ATP10A: variants seen among roughly 807,000 people sequenced by gnomAD.
ATP10A encodes phospholipid-transporting ATPase VA.
In ATP10A, 111 loss-of-function variants were observed where a neutral mutation model predicts 147.8. The ratio of observed to expected loss-of-function variants is 0.75; its 90% CI spans 0.64 to 0.88. The LOEUF (loss-of-function observed/expected upper bound fraction) is 0.88. ATP10A is among the 40% of genes least tolerant of loss of function. The pLI is 0.00. For synonymous variants in ATP10A, 875 were observed against 841.6 expected, an observed-to-expected ratio of 1.04 and a Z score of -0.69; for missense variants, 1,927 against 1,959.0, an observed-to-expected ratio of 0.98 and a Z score of 0.31.
intron 1 of ATP10A, among the ~76,000 whole-genome samples, chr15:25,819,947 G>A (rs1891810709): frequency 6.6e-6 from 1 of 151,988 alleles, no homozygotes. Context: ...AAGGAGGTGA[G>A]GGATGAGAAG....
downstream of ATP10A, among the ~76,000 whole-genome samples, chr15:25,673,262 C>G (rs1216341363): frequency 6.6e-6 from 1 of 152,190 alleles, no homozygotes; most frequent in Non-Finnish European, 1.5e-5. Context: ...ATGCGCTGGG[C>G]AGGGGCGGAG....
chr15:25,815,420 C>T (rs1181876174), intron 1 of ATP10A, among the ~76,000 whole-genome samples: 2 of 53,086 alleles, frequency 3.8e-5, no homozygotes, highest in African/African-American at 1.3e-4. Context: ...AGCTCCCTAT[C>T]TGCCTCAAGA....
chr15:25,852,797 C>T (rs28733026), intron 1 of ATP10A, among the ~76,000 whole-genome samples: 5,938 of 152,232 alleles, frequency 0.039, 366 homozygotes, highest in African/African-American at 0.14. Flanking sequence ...CCTGTACAAT[C>T]ATCCCCACTT....
intron 1 of ATP10A, among the ~76,000 whole-genome samples, chr15:25,835,743 C>G (rs940049702): frequency 5.9e-5 from 9 of 152,228 alleles, no homozygotes; most frequent in African/African-American, 2.2e-4. Flanking sequence ...GCGGTCCTCC[C>G]ACCTCAGCCT....
chr15:25,702,949 G>C (rs868176756), intron 12 of ATP10A, among the ~76,000 whole-genome samples: 5 of 152,054 alleles, frequency 3.3e-5, no homozygotes, highest in Admixed American at 1.3e-4. Context: ...ATCCATAGGA[G>C]GGAGCACTAA....
upstream of ATP10A, among the ~76,000 whole-genome samples, chr15:25,863,448 G>A (rs1381485226): frequency 6.6e-6 from 1 of 152,112 alleles, no homozygotes; most frequent in African/African-American, 2.4e-5. Context: ...GCCGGATAGC[G>A]GGAAACAAAA....
intron 12 of ATP10A, among the ~76,000 whole-genome samples, chr15:25,704,234 T>C (rs1900841976): frequency 2.0e-5 from 3 of 151,416 alleles, no homozygotes; most frequent in Admixed American, 2.0e-4. Flanking sequence ...AGTAATTCAT[T>C]CATACTTAAT....
At chr15:25,728,729 A>C (rs747945312) in intron 3 of ATP10A, among the ~76,000 whole-genome samples, 2 of 152,254 alleles carry the variant, frequency 1.3e-5, no homozygotes, top group Non-Finnish European at 2.9e-5. Flanking sequence ...TTCTACATTA[A>C]ATGTTCTTCA....
intron 2 of ATP10A, among the ~76,000 whole-genome samples, chr15:25,751,045 C>T (rs996834043): frequency 2.6e-5 from 4 of 151,960 alleles, no homozygotes; most frequent in African/African-American, 2.4e-5. Flanking sequence ...AAGGCAGACT[C>T]GTTTTTAAAA....
chr15:25,825,230 G>A (rs1471256004), intron 1 of ATP10A, among the ~76,000 whole-genome samples: 1 of 152,106 alleles, frequency 6.6e-6, no homozygotes, highest in African/African-American at 2.4e-5. Context: ...TCAAATTAGA[G>A]GCAGTTGTTT....
chr15:25,815,262 A>G (rs999262299), intron 1 of ATP10A, among the ~76,000 whole-genome samples: 13 of 152,246 alleles, frequency 8.5e-5, no homozygotes, highest in Non-Finnish European at 1.6e-4. Flanking sequence ...GGAGATCATC[A>G]GTGCTCAAAA....
chr15:25,701,641 T>C (rs72701790), intron 13 of ATP10A, among the ~76,000 whole-genome samples: 17,327 of 152,210 alleles, frequency 0.11, 1,088 homozygotes, highest in South Asian at 0.25. Flanking sequence ...ACAGGGGACC[T>C]CACGAGAAAG....
At chr15:25,778,140 T>C (rs1889712878) in intron 2 of ATP10A, among the ~76,000 whole-genome samples, 4 of 152,140 alleles carry the variant, frequency 2.6e-5, no homozygotes, top group Admixed American at 2.6e-4. Context: ...CTCTTCTCCT[T>C]AACCTAAGCG....
intron 2 of ATP10A, among the ~76,000 whole-genome samples, chr15:25,753,787 A>G (rs1888279008): frequency 6.7e-6 from 1 of 149,172 alleles, no homozygotes. Flanking sequence ...TATGTTATAT[A>G]TATATATTTT....
intron 1 of ATP10A, among the ~76,000 whole-genome samples, chr15:25,829,891 A>T (rs1892279950): frequency 6.6e-6 from 1 of 152,204 alleles, no homozygotes; most frequent in East Asian, 1.9e-4. Context: ...GGAAGGGAAG[A>T]CAGTGAGGCT....
chr15:25,803,241 G>T (rs550802963), intron 1 of ATP10A, among the ~76,000 whole-genome samples: 16 of 152,304 alleles, frequency 1.1e-4, no homozygotes, highest in African/African-American at 3.8e-4. Context: ...CCGCCACACC[G>T]TCCCCTCCAA....
intron 2 of ATP10A, among the ~76,000 whole-genome samples, chr15:25,743,135 C>T (rs1325063178): frequency 6.6e-6 from 1 of 152,158 alleles, no homozygotes; most frequent in African/African-American, 2.4e-5. Context: ...GTTCCATGGA[C>T]CACAGGGCCA....
chr15:25,779,429 C>G (rs893714407), intron 2 of ATP10A, among the ~76,000 whole-genome samples: 2 of 152,166 alleles, frequency 1.3e-5, no homozygotes, highest in Non-Finnish European at 2.9e-5. Flanking sequence ...TAGCTGAGAC[C>G]CCGGGAACTG....
chr15:25,745,986 A>C (rs937443088), intron 2 of ATP10A, among the ~76,000 whole-genome samples: 1 of 152,288 alleles, frequency 6.6e-6, no homozygotes, highest in South Asian at 2.1e-4. Context: ...CAGGACAAAT[A>C]AAAATAATAA....
Sources: gnomAD v4.1 joint callset for allele counts (sites outside exome capture counted in the v4.1 genomes callset) on GRCh38, gnomAD v4.1.1 for gene constraint, MANE v1.5 for transcripts, NCBI Gene and HGNC (gene_info 2026-07-23, HGNC 2026-07-21) for gene names.